The following DOK6 variants were observed in gnomAD, a reference collection of about 807,000 sequenced individuals.
DOK6 encodes the protein downstream of tyrosine kinase 6.
In DOK6, 22 loss-of-function variants were observed where a neutral mutation model predicts 44.0. The ratio of observed to expected loss-of-function variants is 0.50; its 90% CI spans 0.36 to 0.71. The LOEUF (loss-of-function observed/expected upper bound fraction) is 0.71, where lower values mean the gene tolerates loss of function less well. Among genes scored for constraint, DOK6 ranks in the 30% least tolerant of loss-of-function variants. The pLI is 0.00. For missense variants in DOK6, 340 were observed against 416.4 expected, an observed-to-expected ratio of 0.82 and a Z score of 1.60; for synonymous variants, 166 against 145.5, an observed-to-expected ratio of 1.14 and a Z score of -1.01.
intron 1 of DOK6, among the ~76,000 whole-genome samples, chr18:69,551,893 T>A (rs1348405178): frequency 6.6e-6 from 1 of 152,194 alleles, no homozygotes; most frequent in African/African-American, 2.4e-5. Context: ...GTTTAGAAAA[T>A]CACTTCTAAA....
chr18:69,485,813 C>T (rs114229359), intron 1 of DOK6, among the ~76,000 whole-genome samples: 2,039 of 151,834 alleles, frequency 0.013, 52 homozygotes, highest in African/African-American at 0.046. Context: ...TGTCTCATTG[C>T]AGACTTCAGA....
intron 5 of DOK6, among the ~76,000 whole-genome samples, chr18:69,730,592 A>G (rs1192796152): frequency 6.6e-6 from 1 of 152,148 alleles, no homozygotes; most frequent in African/African-American, 2.4e-5. Context: ...TCTATTCACT[A>G]ACATTTTCGA....
intron 4 of DOK6, among the ~76,000 whole-genome samples, chr18:69,697,454 C>T (rs1010195140): frequency 1.3e-5 from 2 of 152,096 alleles, no homozygotes; most frequent in African/African-American, 4.8e-5. Flanking sequence ...TCTTGCATCT[C>T]ATAATTCATC....
At chr18:69,467,651 A>G (rs887237326) in intron 1 of DOK6, among the ~76,000 whole-genome samples, 1 of 152,174 alleles carries the variant, frequency 6.6e-6, no homozygotes. Context: ...ATATTATCCA[A>G]TCACGATTTC....
chr18:69,612,468 T>TGTGCAAGGGCGC (rs1351653077), intron 3 of DOK6, among the ~76,000 whole-genome samples: 1 of 149,726 alleles, frequency 6.7e-6, no homozygotes, highest in African/African-American at 2.5e-5. Flanking sequence ...CGTGCATATG[T>TGTGCAAGGGCGC]ATTTCTTGCT....
chr18:69,667,119 C>A (rs1308142894), intron 3 of DOK6, among the ~76,000 whole-genome samples: 1 of 152,126 alleles, frequency 6.6e-6, no homozygotes, highest in Non-Finnish European at 1.5e-5. Context: ...CATGCTCTTT[C>A]TCCTGCCTCT....
In DOK6 at chr18:69,599,398, C is replaced by T. The variant is rs138734623; in HGVS notation, c.189C>T (p.His63=). Residue 63 remains histidine, a synonymous_variant, in exon 3 of 8, where the codon CAC becomes CAT. Coordinates refer to ENST00000382713, the MANE Select transcript of DOK6 (RefSeq NM_152721.6). ...TTTCTTTCAAGGTAACTGAACTGCA[C>T]AATATCAAAAATATAACCAGACTGC... ...FRNFHKVTEL[H]NIKNITRLPR... 1.9e-5 allele frequency: 30 copies of T among 1,613,110 alleles called. No homozygotes were observed. The highest frequency in any genetic ancestry group is 3.3e-4 in the Middle Eastern group (2 of 6,074).
chr18:69,808,502 G>T lies in DOK6; in HGVS notation c.857-32742G>T, dbSNP rs570351210. 2.4e-3 allele frequency among the ~76,000 whole-genome samples: 368 copies of T among 151,866 alleles called. 1 individual carries two copies. Among genetic ancestry groups the T allele is most frequent in the Non-Finnish European group, 4.4e-3 (296 of 67,760 alleles). On this transcript the variant is annotated intron_variant, in intron 7 of 7. Coordinates refer to ENST00000382713, the MANE Select transcript of DOK6 (RefSeq NM_152721.6). The stretch of plus-strand genomic sequence containing the variant: ...AGAGCAACAGAACTAAAAGTTGGTT[G>T]TTTTTGAAAGATAAACAAAATCAAC...
intron 1 of DOK6, among the ~76,000 whole-genome samples, chr18:69,441,349 C>T (rs1979132374): frequency 1.3e-5 from 2 of 152,054 alleles, no homozygotes; most frequent in South Asian, 2.1e-4. Flanking sequence ...ATATTTTTAG[C>T]TAGGCATTTT....
intron 7 of DOK6, among the ~76,000 whole-genome samples, chr18:69,780,139 T>A (rs138646928): frequency 1.3e-5 from 2 of 152,310 alleles, no homozygotes; most frequent in East Asian, 3.9e-4. Flanking sequence ...CATTAGATAC[T>A]CACTGCCATC....
intron 4 of DOK6, among the ~76,000 whole-genome samples, chr18:69,680,394 C>T (rs77683718): frequency 2.3e-4 from 35 of 152,316 alleles, no homozygotes; most frequent in African/African-American, 7.0e-4. Flanking sequence ...GCTCAGGGTT[C>T]GTCAAGTCTG....
chr18:69,617,494 AAGAAAGAAAGAG>A (rs1984319154), intron 3 of DOK6, among the ~76,000 whole-genome samples: 1 of 142,504 alleles, frequency 7.0e-6, no homozygotes, highest in African/African-American at 2.6e-5. Flanking sequence ...GAAAAGAAGA[AAGAAAGAAAGAG>A]AAAGAAAGAA....
intron 7 of DOK6, among the ~76,000 whole-genome samples, chr18:69,783,292 T>C (rs1331985460): frequency 2.6e-5 from 4 of 152,178 alleles, no homozygotes; most frequent in Non-Finnish European, 5.9e-5. Flanking sequence ...TTAGTCCGAA[T>C]TGAGATATAC....
At chr18:69,495,343 G>A (rs2119965) in intron 1 of DOK6, among the ~76,000 whole-genome samples, 68,502 of 151,852 alleles carry the variant, frequency 0.45, 15,842 homozygotes, top group African/African-American at 0.49. Context: ...CAGCCCTGCC[G>A]TTCCACATTT....
At chr18:69,600,696 G>T (rs751453091) in intron 3 of DOK6, among the ~76,000 whole-genome samples, 2 of 151,824 alleles carry the variant, frequency 1.3e-5, no homozygotes, top group African/African-American at 2.4e-5. Flanking sequence ...AAAAGGTAAT[G>T]TTTAATATTT....
chr18:69,736,753 A>G (rs1485212018), intron 5 of DOK6, among the ~76,000 whole-genome samples: 1 of 152,204 alleles, frequency 6.6e-6, no homozygotes, highest in Non-Finnish European at 1.5e-5. Flanking sequence ...TATATATCAC[A>G]GTCTTAAAAA....
intron 4 of DOK6, 46 bp downstream of exon 4, chr18:69,677,899 T>C (rs765619972): frequency 4.2e-5 from 66 of 1,581,268 alleles, no homozygotes; most frequent in Non-Finnish European, 5.6e-5. Context: ...CCCTTGTAAT[T>C]GTAGAACTTT....
At chr18:69,592,270 AAGTG>A (rs1332398220) in intron 2 of DOK6, among the ~76,000 whole-genome samples, 3 of 151,268 alleles carry the variant, frequency 2.0e-5, no homozygotes, top group African/African-American at 7.3e-5. Flanking sequence ...TTTAAAATCC[AAGTG>A]TCATGTCTAC....
chr18:69,509,625 T>C (rs759592381), intron 1 of DOK6, among the ~76,000 whole-genome samples: 1 of 114,158 alleles, frequency 8.8e-6, no homozygotes, highest in Non-Finnish European at 1.6e-5. Context: ...GCAACAGAGC[T>C]AGGCTCTGTC....
Sources: allele counts gnomAD v4.1 joint callset (sites outside exome capture counted in the v4.1 genomes callset), GRCh38; gene constraint gnomAD v4.1.1; transcripts MANE v1.5; gene names NCBI Gene and HGNC (gene_info 2026-07-23, HGNC 2026-07-21).